The following GDAP1 variants were observed in gnomAD, a reference collection of about 807,000 sequenced individuals.
The protein encoded by GDAP1 is ganglioside induced differentiation associated protein 1.
In GDAP1, 34 loss-of-function variants were observed where a neutral mutation model predicts 40.1. The observed-to-expected ratio is 0.85, with a 90% CI of 0.64 to 1.13. GDAP1 has a LOEUF of 1.13. Ranked by LOEUF, GDAP1 falls within the 50% of genes most tolerant of loss-of-function variation. The pLI, the probability that GDAP1 is intolerant of heterozygous loss-of-function variation, is 0.00. For synonymous variants in GDAP1, 170 were observed against 157.4 expected (o/e 1.08, Z -0.60); for missense variants, 374 against 433.7 (o/e 0.86, Z 1.22).
At chr8:74,431,224 C>A (rs1213828817) in intron 2 of GDAP1, among the ~76,000 whole-genome samples, 1 of 150,232 alleles carries the variant, frequency 6.7e-6, no homozygotes, top group Non-Finnish European at 1.5e-5. Context: ...TGAACATAGA[C>A]TGGTTATTTA....
At chr8:74,467,821 C>T (rs1381068556) in intron 2 of GDAP1, among the ~76,000 whole-genome samples, 4 of 152,116 alleles carry the variant, frequency 2.6e-5, no homozygotes. Flanking sequence ...CTCTGGCATT[C>T]TGAGTTGTTC....
At chr8:74,481,012 TTACAATG>T (rs1361381862) in intron 2 of GDAP1, among the ~76,000 whole-genome samples, 1 of 152,236 alleles carries the variant, frequency 6.6e-6, no homozygotes, top group African/African-American at 2.4e-5. Flanking sequence ...TATAGAGTAC[TTACAATG>T]TATCCTGAGT....
chr8:74,411,125 T>G (rs1212015240), intron 2 of GDAP1, among the ~76,000 whole-genome samples: 4 of 150,056 alleles, frequency 2.7e-5, no homozygotes, highest in East Asian at 1.9e-4. Context: ...ACTTGCTGCT[T>G]CTTTTCCTTC....
intron 2 of GDAP1, among the ~76,000 whole-genome samples, chr8:74,355,967 T>G (rs1224304126): frequency 6.6e-6 from 1 of 152,006 alleles, no homozygotes; most frequent in Admixed American, 6.6e-5. Context: ...ATGTTACATT[T>G]GAATTTCATC....
At chr8:74,445,629 T>C (rs1390606888) in intron 2 of GDAP1, among the ~76,000 whole-genome samples, 1 of 152,166 alleles carries the variant, frequency 6.6e-6, no homozygotes, top group Non-Finnish European at 1.5e-5. Flanking sequence ...TAGTTTCTTT[T>C]GGTACACACA....
intron 2 of GDAP1, among the ~76,000 whole-genome samples, chr8:74,353,948 C>G (rs1469215552): frequency 6.6e-6 from 1 of 152,106 alleles, no homozygotes; most frequent in East Asian, 1.9e-4. Flanking sequence ...GGAGAATGTC[C>G]CTAACACTTC....
intron 2 of GDAP1, among the ~76,000 whole-genome samples, chr8:74,461,804 G>C (rs991354241): frequency 8.5e-5 from 13 of 152,146 alleles, no homozygotes; most frequent in African/African-American, 3.1e-4. Flanking sequence ...ACTCAGTTCA[G>C]TTTCACTTGT....
chr8:74,414,558 A>G (rs1805755599), intron 2 of GDAP1, among the ~76,000 whole-genome samples: 2 of 149,962 alleles, frequency 1.3e-5, no homozygotes, highest in Admixed American at 1.3e-4. Flanking sequence ...TGGAAATGAC[A>G]GAGGAAAGAG....
downstream of GDAP1, chr8:74,367,097 T>TA (rs886063120): frequency 1.1e-4 from 1 of 9,468 alleles, no homozygotes; most frequent in South Asian, 1.9e-3. Context: ...CACTGATCTC[T>TA]CAAAAAAAAA....
chr8:74,471,200 C>A (rs1463080686), intron 2 of GDAP1, among the ~76,000 whole-genome samples: 2 of 152,020 alleles, frequency 1.3e-5, no homozygotes, highest in African/African-American at 4.8e-5. Context: ...TGTAGGTTGC[C>A]TGTTCACTCT....
At chr8:74,407,385 C>G (rs1416944990) in intron 2 of GDAP1, among the ~76,000 whole-genome samples, 1 of 149,932 alleles carries the variant, frequency 6.7e-6, no homozygotes, top group Non-Finnish European at 1.5e-5. Context: ...GACAGGCCCA[C>G]CCTCAATCTG....
At chr8:74,479,174 A>G (rs1305275702) in intron 2 of GDAP1, among the ~76,000 whole-genome samples, 1 of 152,164 alleles carries the variant, frequency 6.6e-6, no homozygotes, top group Non-Finnish European at 1.5e-5. Context: ...TAGTGTTGTT[A>G]TTATTATTAC....
intron 2 of GDAP1, among the ~76,000 whole-genome samples, chr8:74,351,972 T>C (rs1586795955): frequency 6.6e-6 from 1 of 152,360 alleles, no homozygotes; most frequent in East Asian, 1.9e-4. Context: ...CTTAAATTTG[T>C]ATAGTGCATT....
chr8:74,410,376 C>T (rs1805694484), intron 2 of GDAP1, among the ~76,000 whole-genome samples: 1 of 150,096 alleles, frequency 6.7e-6, no homozygotes, highest in South Asian at 2.1e-4. Flanking sequence ...GGCTTCATAA[C>T]TAAATTAGAG....
rs1372131795 is a variant in GDAP1 at position 74,366,037 on chromosome 8, T to G, written c.*1670T>G. On this transcript the variant is annotated 3_prime_UTR_variant, in exon 6 of 6. Coordinates refer to ENST00000220822, the MANE Select transcript of GDAP1 (RefSeq NM_018972.4). ...GTCGTGAAGAAATAAGAATTGGATT[T>G]TTATAAAAACCTCTGAAGGATATTT... The G allele has an allele frequency of 4.4e-6, 2 of 449,644 alleles. No homozygotes were observed. Among genetic ancestry groups the G allele is most frequent in the Non-Finnish European group, 8.9e-6 (2 of 225,664 alleles). The allele number at this position is 449,644 out of a possible 1,614,324, so 27.9% of individuals were successfully genotyped here. A position where few individuals can be genotyped will look rare whatever the true frequency, so the allele number is the denominator to read the frequency against.
chr8:74,486,162 C>T (rs745382360), intron 2 of GDAP1, among the ~76,000 whole-genome samples: 10 of 152,160 alleles, frequency 6.6e-5, no homozygotes, highest in African/African-American at 4.8e-5. Flanking sequence ...AAAATCATTA[C>T]CTACAGGAAA....
chr8:74,388,732 T>C (rs7825020), intron 2 of GDAP1, among the ~76,000 whole-genome samples: 1,656 of 152,318 alleles, frequency 0.011, 19 homozygotes, highest in African/African-American at 0.038. Flanking sequence ...CTGACTATAC[T>C]TGTTATTTTT....
rs773905106 is a variant in GDAP1, at chr8:74,365,291, A to T, written c.*924A>T. On this transcript the variant is annotated 3_prime_UTR_variant, in exon 6 of 6. Transcript: ENST00000220822. ...GATCTTTCATCTGTTTATGATCATC[A>T]ACAAAGACTTGTTAGAAAGGTCTAG... is the stretch of plus-strand genomic sequence containing the variant. 2.0e-5 allele frequency: 9 copies of T among 454,010 alleles called. No individual in the cohort carries two copies. The highest frequency in any genetic ancestry group is 2.2e-5 in the Non-Finnish European group (5 of 226,800). 28.1% of individuals were successfully genotyped at this position (454,010 alleles called of 1,614,324 possible).
At chr8:74,435,177 T>C (rs2131567351) in intron 2 of GDAP1, among the ~76,000 whole-genome samples, 1 of 152,320 alleles carries the variant, frequency 6.6e-6, no homozygotes, top group East Asian at 1.9e-4. Flanking sequence ...CATTAGGTTA[T>C]AACATGGAAT....
Sources: allele counts gnomAD v4.1 joint callset (sites outside exome capture counted in the v4.1 genomes callset), GRCh38; gene constraint gnomAD v4.1.1; transcripts MANE v1.5; gene names NCBI Gene and HGNC (gene_info 2026-07-23, HGNC 2026-07-21).